CFAP61: variants seen among roughly 807,000 people sequenced by gnomAD.
The protein encoded by CFAP61 is cilia and flagella associated protein 61.
In CFAP61, 107 loss-of-function variants were observed where a neutral mutation model predicts 135.6. The ratio of observed to expected loss-of-function variants is 0.79; its 90% CI spans 0.67 to 0.93. CFAP61 has a LOEUF of 0.93. Ranked by LOEUF, CFAP61 falls within the 40% of genes least tolerant of loss-of-function variation. CFAP61 has a pLI of 0.00. For missense variants in CFAP61, 1,507 were observed against 1,556.2 expected (o/e 0.97, Z 0.53); for synonymous variants, 575 against 578.5 (o/e 0.99, Z 0.09).
intron 3 of CFAP61, among the ~76,000 whole-genome samples, chr20:20,072,091 C>CTTTTTTTTTTTTTTTTTT (rs71198039): frequency 1.7e-5 from 1 of 57,638 alleles, no homozygotes; most frequent in African/African-American, 5.7e-5. Context: ...ATCTAGCAAT[C>CTTTTTTTTTTTTTTTTTT]TTTTTTTTTT....
At chr20:20,114,925 T>C (rs1449558279) in intron 8 of CFAP61, among the ~76,000 whole-genome samples, 1 of 152,188 alleles carries the variant, frequency 6.6e-6, no homozygotes, top group East Asian at 1.9e-4. Flanking sequence ...TTAGGAATGG[T>C]TTGTTTGTTT....
At chr20:20,208,708 C>T (rs1381066176) in intron 17 of CFAP61, among the ~76,000 whole-genome samples, 1 of 152,238 alleles carries the variant, frequency 6.6e-6, no homozygotes, top group Admixed American at 6.5e-5. Context: ...CTAGCTTTGA[C>T]ACTGAGTCTC....
intron 8 of CFAP61, among the ~76,000 whole-genome samples, chr20:20,133,449 C>A (rs1014734989): frequency 1.2e-4 from 19 of 152,154 alleles, no homozygotes; most frequent in Admixed American, 6.5e-5. Flanking sequence ...CAAATGGAAA[C>A]ATGCAAGACC....
intron 18 of CFAP61, among the ~76,000 whole-genome samples, chr20:20,235,194 G>A (rs1302624668): frequency 6.6e-6 from 1 of 152,076 alleles, no homozygotes; most frequent in Non-Finnish European, 1.5e-5. Flanking sequence ...AGAGACTCAT[G>A]TCTCTCAGAT....
intron 26 of CFAP61, among the ~76,000 whole-genome samples, chr20:20,350,782 C>A (rs1173945444): frequency 6.6e-6 from 1 of 152,216 alleles, no homozygotes; most frequent in Non-Finnish European, 1.5e-5. Context: ...CAAATGTGGT[C>A]TAGCCACGCA....
intron 26 of CFAP61, among the ~76,000 whole-genome samples, chr20:20,355,376 AGTGACACTGTGAGCAGAGATG>A (rs1569330569): frequency 7.3e-4 from 67 of 92,348 alleles, no homozygotes; most frequent in East Asian, 3.4e-3. Flanking sequence ...GAGGGGAGGT[AGTGACACTGTGAGCAGAGATG>A]GTCACACTGT....
intron 25 of CFAP61, chr20:20,322,819 AGT>A (rs1341682855): frequency 1.0e-6 from 1 of 985,328 alleles, no homozygotes; most frequent in Non-Finnish European, 1.2e-6. Flanking sequence ...ATGGTAGGAA[AGT>A]GTTTCATAGA....
chr20:20,298,552 G>T (rs181191939), intron 25 of CFAP61, among the ~76,000 whole-genome samples, 166 bp downstream of exon 25: 184 of 152,326 alleles, frequency 1.2e-3, no homozygotes, highest in Admixed American at 2.7e-3. Flanking sequence ...GCTAATGTGG[G>T]CTGGGGAGCA....
chr20:20,208,716 C>G (rs1459066396), intron 17 of CFAP61, among the ~76,000 whole-genome samples: 1 of 152,232 alleles, frequency 6.6e-6, no homozygotes, highest in African/African-American at 2.4e-5. Context: ...GACACTGAGT[C>G]TCATTTGCCC....
intron 25 of CFAP61, among the ~76,000 whole-genome samples, chr20:20,313,745 G>A (rs1411750901): frequency 6.6e-6 from 1 of 152,192 alleles, no homozygotes; most frequent in Non-Finnish European, 1.5e-5. Flanking sequence ...TGGGGAATTT[G>A]TAAAGACGAG....
At chr20:20,167,988 T>G (rs1434779087) in intron 12 of CFAP61, among the ~76,000 whole-genome samples, 5 of 152,064 alleles carry the variant, frequency 3.3e-5, no homozygotes, top group Non-Finnish European at 7.4e-5. Context: ...TGAGCCACAT[T>G]GGTAATTCTG....
chr20:20,333,966 G>C (rs778050286), intron 25 of CFAP61, among the ~76,000 whole-genome samples: 3 of 152,106 alleles, frequency 2.0e-5, no homozygotes, highest in Non-Finnish European at 4.4e-5. Flanking sequence ...TGGGTGTTCA[G>C]CTCACAGACA....
chr20:20,255,675 C>G (rs1355990406), intron 20 of CFAP61, among the ~76,000 whole-genome samples: 1 of 152,130 alleles, frequency 6.6e-6, no homozygotes, highest in Non-Finnish European at 1.5e-5. Flanking sequence ...AAGACACTCC[C>G]CCGTGTCATT....
intron 8 of CFAP61, among the ~76,000 whole-genome samples, chr20:20,109,476 A>G (rs534146291): frequency 2.6e-5 from 4 of 152,094 alleles, no homozygotes; most frequent in East Asian, 1.9e-4. Flanking sequence ...CAGTCCTTCT[A>G]TGCTTGAGCT....
At chr20:20,095,803 T>A (rs1422669806) in intron 7 of CFAP61, 1 of 152,074 alleles carries the variant, frequency 6.6e-6, no homozygotes, top group Non-Finnish European at 1.5e-5. Context: ...GAGCCAGCAG[T>A]GGTCACAATG....
At chr20:20,249,834 A>G (rs2050746826) in intron 19 of CFAP61, among the ~76,000 whole-genome samples, 2 of 152,164 alleles carry the variant, frequency 1.3e-5, no homozygotes, top group African/African-American at 2.4e-5. Flanking sequence ...ACTGTATTTA[A>G]CTTTTCCTCA....
chr20:20,192,802 T>C (rs567447893), intron 15 of CFAP61, among the ~76,000 whole-genome samples: 8 of 152,320 alleles, frequency 5.3e-5, no homozygotes, highest in African/African-American at 1.9e-4. Flanking sequence ...TTTTCTCATA[T>C]TTTCTAAATG....
chr20:20,348,378 A>G (rs2058706305), intron 26 of CFAP61, among the ~76,000 whole-genome samples: 1 of 152,110 alleles, frequency 6.6e-6, no homozygotes, highest in African/African-American at 2.4e-5. Flanking sequence ...AATCAATGTA[A>G]TACACCATTT....
chr20:20,210,654 G>A (rs1434353156), intron 17 of CFAP61, among the ~76,000 whole-genome samples: 1 of 152,188 alleles, frequency 6.6e-6, no homozygotes, highest in Non-Finnish European at 1.5e-5. Flanking sequence ...GCCCCTCTGG[G>A]GCTGGCCGAC....
Sources: gnomAD v4.1 joint callset for allele counts (sites outside exome capture counted in the v4.1 genomes callset) on GRCh38, gnomAD v4.1.1 for gene constraint, MANE v1.5 for transcripts, NCBI Gene and HGNC (gene_info 2026-07-23, HGNC 2026-07-21) for gene names.